USP40: variants seen among roughly 807,000 people sequenced by gnomAD.
USP40 encodes ubiquitin specific peptidase 40, also known as ubiquitin carboxyl-terminal hydrolase 40.
A neutral mutation model predicts 166.2 loss-of-function variants in USP40; 143 were observed. That is an observed-to-expected ratio of 0.86 (90% CI 0.75 to 0.99). The LOEUF (loss-of-function observed/expected upper bound fraction) is 0.99, where lower values mean the gene tolerates loss of function less well. Ranked by LOEUF, USP40 falls within the 50% of genes least tolerant of loss-of-function variation. The pLI, the probability that USP40 is intolerant of heterozygous loss-of-function variation, is 0.00. For synonymous variants in USP40, 498 were observed against 524.0 expected (o/e 0.95, Z 0.68); for missense variants, 1,444 against 1,479.7 (o/e 0.98, Z 0.40).
intron 26 of USP40, chr2:233,490,942 C>T: frequency 1.5e-6 from 1 of 676,050 alleles, no homozygotes; most frequent in East Asian, 2.9e-5. Context: ...TAGATTGAAA[C>T]AAAAGCACAG....
intron 3 of USP40, 61 bp downstream of exon 3, chr2:233,562,675 C>G: frequency 8.0e-7 from 1 of 1,256,110 alleles, no homozygotes; most frequent in Non-Finnish European, 1.1e-6. Flanking sequence ...TGTAACTAAC[C>G]TGCACATTGT....
At chr2:233,519,699 A>C (rs1224038664) in intron 17 of USP40, 28 bp from the exon 18 acceptor site, 1 of 1,280,752 alleles carries the variant, frequency 7.8e-7, no homozygotes, top group Admixed American at 2.5e-5. Flanking sequence ...AATAATGACT[A>C]AGTTGTAAAA....
In USP40 at chr2:233,549,234, AAG is replaced by A; in HGVS notation, c.838-7_838-6del. The A allele has an allele frequency of 7.3e-7, 1 of 1,364,646 alleles. No individual in the cohort carries two copies. The highest frequency in any genetic ancestry group is 9.9e-7 in the Non-Finnish European group (1 of 1,005,206). The allele number at this position is 1,364,646 out of a possible 1,614,324, so 84.5% of individuals were successfully genotyped here. On this transcript the variant is annotated splice_region_variant and splice_polypyrimidine_tract_variant and intron_variant, in intron 7 of 31. Coordinates refer to ENST00000678225, the MANE Select transcript of USP40 (RefSeq NM_001365479.2). ...TTCTAAGTCATCCAATTCACTCTAA[AAG>A]AAAAAAGAACAAAAATATTGATATA...
chr2:233,559,941 C>G lies in USP40; in HGVS notation c.268-17G>C, dbSNP rs1203462295. Reference sequence around the variant, plus strand: ...GATTCGAACCTGAATGAGAAACAAACACATTTCTAAATGAATTCTTTAAGT... The same window carrying G: ...GATTCGAACCTGAATGAGAAACAAAGACATTTCTAAATGAATTCTTTAAGT... On this transcript the variant is annotated splice_polypyrimidine_tract_variant and intron_variant, in intron 3 of 31. Coordinates refer to ENST00000678225, the MANE Select transcript of USP40 (RefSeq NM_001365479.2). 15 of 1,562,140 alleles carry G rather than the reference C, an allele frequency of 9.6e-6. No homozygotes were observed. Among genetic ancestry groups the G allele is most frequent in the East Asian group, 2.3e-5 (1 of 43,434 alleles).
At chr2:233,537,120 G>A (rs192201144) in intron 10 of USP40, among the ~76,000 whole-genome samples, 424 of 152,266 alleles carry the variant, frequency 2.8e-3, no homozygotes, top group Non-Finnish European at 4.1e-3. Context: ...CTGGGCTCAA[G>A]CAATCCTCTT....
At chr2:233,556,766 T>C (rs2071135399) in intron 5 of USP40, 89 bp downstream of exon 5, 1 of 1,251,170 alleles carries the variant, frequency 8.0e-7, no homozygotes, top group East Asian at 2.8e-5. Context: ...ATAAACACTT[T>C]AATCCTTGTG....
chr2:233,535,781 C>A (rs1204969936), intron 10 of USP40, among the ~76,000 whole-genome samples: 1 of 152,084 alleles, frequency 6.6e-6, no homozygotes, highest in African/African-American at 2.4e-5. Flanking sequence ...TCAAAGGATA[C>A]AAAGCCTCAA....
In USP40 at chr2:233,520,830, CAT is replaced by C. The variant is rs138789707; in HGVS notation, c.2325+159_2325+160del. Among the ~76,000 whole-genome samples, 674 of 152,246 alleles carry C rather than the reference CAT, an allele frequency of 4.4e-3. 4 individuals are homozygous for C. The highest frequency in any genetic ancestry group is 0.015 in the African/African-American group (643 of 41,542). On this transcript the variant is annotated intron_variant, in intron 17 of 31. Coordinates refer to ENST00000678225, the MANE Select transcript of USP40 (RefSeq NM_001365479.2). ...TTTCTTGAAATATGCTAAGGGCTAA[CAT>C]AGGTAAACAAGCAATAATCAAATGT...
In USP40 at chr2:233,486,087, G is replaced by A; in HGVS notation, c.3198-110C>T. On this transcript the variant is annotated intron_variant, in intron 28 of 31. Coordinates refer to ENST00000678225, the MANE Select transcript of USP40 (RefSeq NM_001365479.2). The surrounding 1 kb of genome is among the most constrained non-coding windows in gnomAD (Gnocchi z 4.0). ...CCTCCAGCTTTTCTGGTTTTTATAAGGAGAGATTTTTCCCTAAATGCTGGA... is the reference window on the plus strand; with the variant it reads ...CCTCCAGCTTTTCTGGTTTTTATAAAGAGAGATTTTTCCCTAAATGCTGGA... 8.0e-7 allele frequency: 1 copy of A among 1,242,302 alleles called. No individual in the cohort carries two copies. The highest frequency in any genetic ancestry group is 1.1e-6 in the Non-Finnish European group (1 of 910,790). 77.0% of individuals were successfully genotyped at this position (1,242,302 alleles called of 1,614,324 possible).
At chr2:233,527,983 T>C (rs1162589159) in intron 12 of USP40, among the ~76,000 whole-genome samples, 1 of 151,190 alleles carries the variant, frequency 6.6e-6, no homozygotes, top group Non-Finnish European at 1.5e-5. Flanking sequence ...TCCCATGATT[T>C]TTTTTTTTTT....
intron 31 of USP40, 87 bp from the exon 32 acceptor site, chr2:233,477,590 A>G (rs2064253736): frequency 5.4e-6 from 6 of 1,101,438 alleles, no homozygotes; most frequent in South Asian, 1.3e-5. Context: ...ATACACTCCA[A>G]TTTTATAGGC....
At chr2:233,540,123 CAA>C (rs74742520) in intron 10 of USP40, among the ~76,000 whole-genome samples, 3 of 50,098 alleles carry the variant, frequency 6.0e-5, no homozygotes, top group Non-Finnish European at 4.4e-5. Context: ...GACCTCAACT[CAA>C]AAAAAAAAAA....
chr2:233,487,746 C>T, intron 28 of USP40: 1 of 225,056 alleles, frequency 4.4e-6, no homozygotes, highest in South Asian at 5.7e-5. Flanking sequence ...GACATGGGCA[C>T]AATTACTATT....
In USP40 at chr2:233,508,387, T is replaced by C. The variant is rs554835265; in HGVS notation, c.2613+1662A>G. Among the ~76,000 whole-genome samples, 3 of 152,354 alleles carry C rather than the reference T, an allele frequency of 2.0e-5. No individual in the cohort carries two copies. The East Asian group carries it at 5.8e-4, about 29-fold the overall frequency. ...TGTCCTTGTCCCCTGCAATTTATCT[T>C]TTGTAGAAGAGTTTTCTGATCTACA... is the stretch of plus-strand genomic sequence containing the variant. On this transcript the variant is annotated intron_variant, in intron 21 of 31. Coordinates refer to ENST00000678225, the MANE Select transcript of USP40 (RefSeq NM_001365479.2).
At position 233,527,522 on chromosome 2, in the gene USP40, T is replaced by C; in HGVS notation, c.1610A>G (p.Gln537Arg). ...TFELHLHLGP[Q>R]YHFFNGALHP... ...CAGAGCCCCATTGAAGAAATGATAC[T>C]GAGGGCCCAGGTGAAGATGCAATTC... Residue 537 changes from glutamine to arginine, a missense_variant, in exon 13 of 32, where the codon CAG (glutamine) becomes CGG (arginine). By Grantham distance (43) the Gln-to-Arg change is conservative. Transcript: ENST00000678225. 1 of 1,613,602 alleles carries C rather than the reference T, an allele frequency of 6.2e-7. No homozygotes were observed. Among genetic ancestry groups the C allele is most frequent in the Non-Finnish European group, 8.5e-7 (1 of 1,179,728 alleles).
At position 233,480,372 on chromosome 2, in the gene USP40, G is replaced by A. The variant is rs1020989120; in HGVS notation, c.3599+831C>T. Reference sequence around the variant, plus strand: ...CAGAGTCCGTGAGTCGGGGAGTGGGGGAGGATGAGGACGCCTGGGGGCCTC... The same window carrying A: ...CAGAGTCCGTGAGTCGGGGAGTGGGAGAGGATGAGGACGCCTGGGGGCCTC... On this transcript the variant is annotated intron_variant, in intron 31 of 31. Transcript: ENST00000678225. The surrounding 1 kb of genome is among the most constrained non-coding windows in gnomAD (Gnocchi z 4.5). Among the ~76,000 whole-genome samples, 1 of 152,232 alleles carries A rather than the reference G, an allele frequency of 6.6e-6. No homozygotes were observed. The highest frequency in any genetic ancestry group is 2.4e-5 in the African/African-American group (1 of 41,460).
chr2:233,553,839 G>C (rs200698587), intron 6 of USP40, among the ~76,000 whole-genome samples: 1 of 31,812 alleles, frequency 3.1e-5, no homozygotes, highest in African/African-American at 4.9e-5. Flanking sequence ...CTTCAGTCCT[G>C]ACTTTCTTTT....
At chr2:233,545,225 G>T (rs905646695) in intron 8 of USP40, among the ~76,000 whole-genome samples, 1 of 152,208 alleles carries the variant, frequency 6.6e-6, no homozygotes, top group Admixed American at 6.5e-5. Flanking sequence ...GGTGCTTGAA[G>T]AAATTTATGA....
Position 233,523,162 on chromosome 2 carries a change from C to G in USP40, c.2201+8G>C. 5 of 1,592,888 alleles carry G rather than the reference C, an allele frequency of 3.1e-6. No individual in the cohort carries two copies. Among genetic ancestry groups the G allele is most frequent in the Non-Finnish European group, 4.3e-6 (5 of 1,166,632 alleles). On this transcript the variant is annotated splice_region_variant and intron_variant, in intron 16 of 31. Coordinates refer to ENST00000678225, the MANE Select transcript of USP40 (RefSeq NM_001365479.2). The stretch of plus-strand genomic sequence containing the variant: ...TTAGAAATCCTTTTTCTCTTGTTAG[C>G]GAGTTACCTGTTATCATCATGAGAA...
Sources: gnomAD v4.1 joint callset for allele counts (sites outside exome capture counted in the v4.1 genomes callset) on GRCh38, gnomAD v4.1.1 for gene constraint, Gnocchi (gnomAD v3.1) non-coding constraint, MANE v1.5 for transcripts, NCBI Gene and HGNC (gene_info 2026-07-23, HGNC 2026-07-21) for gene names.